The following PHLDB2 variants were observed in gnomAD, a reference collection of about 807,000 sequenced individuals.
PHLDB2 encodes pleckstrin homology-like domain family B member 2.
In PHLDB2, 71 loss-of-function variants were observed where a neutral mutation model predicts 123.6. The ratio of observed to expected loss-of-function variants is 0.57; its 90% CI spans 0.47 to 0.70. The LOEUF (loss-of-function observed/expected upper bound fraction) is 0.70, where lower values mean the gene tolerates loss of function less well. PHLDB2 is among the 30% of genes least tolerant of loss of function. PHLDB2 has a pLI of 0.00. For synonymous variants in PHLDB2, 547 were observed against 541.6 expected (o/e 1.01, Z -0.14); for missense variants, 1,446 against 1,519.5 (o/e 0.95, Z 0.80).
chr3:111,859,891 C>T lies in PHLDB2; in HGVS notation c.-15+315C>T, dbSNP rs1559871950. 6.1e-6 allele frequency: 6 copies of T among 985,314 alleles called. No homozygotes were observed. In the African/African-American group the frequency reaches 1.1e-4, roughly 17 times the overall value. 61.0% of individuals were successfully genotyped at this position (985,314 alleles called of 1,614,324 possible). Reference sequence around the variant, plus strand: ...GAAAGATGAGACGGTGAGTGGGCTCCGGGGACACAGAGTTTCTTTGCTTCT... The same window carrying T: ...GAAAGATGAGACGGTGAGTGGGCTCTGGGGACACAGAGTTTCTTTGCTTCT... On this transcript the variant is annotated intron_variant, in intron 1 of 17. Coordinates refer to ENST00000431670, the MANE Select transcript of PHLDB2 (RefSeq NM_001134438.2).
chr3:111,892,654 A>G (rs985495947), intron 2 of PHLDB2, among the ~76,000 whole-genome samples: 3 of 152,340 alleles, frequency 2.0e-5, no homozygotes, highest in African/African-American at 4.8e-5. Context: ...CCAACTTTCA[A>G]TTAAAAATAA....
intron 1 of PHLDB2, among the ~76,000 whole-genome samples, chr3:111,780,540 G>A (rs1048303627): frequency 1.3e-5 from 2 of 151,590 alleles, no homozygotes; most frequent in Admixed American, 6.6e-5. Context: ...CCAGAACCAT[G>A]AGCCAAAATA....
intron 5 of PHLDB2, among the ~76,000 whole-genome samples, chr3:111,921,192 C>G (rs1413863645): frequency 6.6e-6 from 1 of 152,068 alleles, no homozygotes; most frequent in East Asian, 1.9e-4. Flanking sequence ...ACATTACTCT[C>G]CTCTCCCATT....
chr3:111,795,023 G>A (rs1023952686), intron 1 of PHLDB2, among the ~76,000 whole-genome samples: 3 of 152,120 alleles, frequency 2.0e-5, no homozygotes, highest in Admixed American at 6.5e-5. Flanking sequence ...AAAATCGGGG[G>A]TATAGCTCAG....
At chr3:111,830,978 AAAG>A (rs2062967752) in intron 1 of PHLDB2, among the ~76,000 whole-genome samples, 1 of 54,492 alleles carries the variant, frequency 1.8e-5, no homozygotes, top group Non-Finnish European at 3.3e-5. Context: ...AGAAAGAAAG[AAAG>A]AAAGAAAGAA....
At chr3:111,856,096 T>C (rs10934116), upstream of PHLDB2, among the ~76,000 whole-genome samples, 103,822 of 152,036 alleles carry the variant, frequency 0.68, 37,172 homozygotes, top group Non-Finnish European at 0.81. Flanking sequence ...ACTTTTTGAG[T>C]CCCTTCCATA....
At chr3:111,780,412 A>AAGAAGAAGAAGAAGAAGGAGAAGAAG (rs1326616017) in intron 1 of PHLDB2, among the ~76,000 whole-genome samples, 1 of 116,680 alleles carries the variant, frequency 8.6e-6, no homozygotes, top group Non-Finnish European at 1.8e-5. Flanking sequence ...AGAAGAAGAA[A>AAGAAGAAGAAGAAGAAGGAGAAGAAG]AAGATTAGTT....
At chr3:111,795,401 C>G (rs115268851) in intron 1 of PHLDB2, among the ~76,000 whole-genome samples, 1,635 of 152,270 alleles carry the variant, frequency 0.011, 22 homozygotes, top group African/African-American at 0.037. Flanking sequence ...GCAGTTGCTT[C>G]TGTTCTCTCT....
intron 2 of PHLDB2, among the ~76,000 whole-genome samples, chr3:111,887,406 A>G (rs1314781068): frequency 6.6e-6 from 1 of 152,192 alleles, no homozygotes; most frequent in Non-Finnish European, 1.5e-5. Context: ...GTTTGACTAC[A>G]TTGTGGTAAA....
At chr3:111,822,503 T>C (rs761749823) in intron 1 of PHLDB2, among the ~76,000 whole-genome samples, 10 of 152,104 alleles carry the variant, frequency 6.6e-5, no homozygotes, top group African/African-American at 1.2e-4. Context: ...ACTGTCAGAA[T>C]TGAAAATCTC....
intron 12 of PHLDB2, among the ~76,000 whole-genome samples, chr3:111,954,884 G>A (rs2107643955): frequency 6.6e-6 from 1 of 152,206 alleles, no homozygotes; most frequent in East Asian, 1.9e-4. Flanking sequence ...GAAATGCTTT[G>A]GGGATGGCAG....
At position 111,973,832 on chromosome 3, in the gene PHLDB2, T is replaced by G. The variant is rs1188622055; in HGVS notation, c.3621+15T>G. The G allele has an allele frequency of 1.4e-6, 2 of 1,479,516 alleles. No homozygotes were observed. The highest frequency in any genetic ancestry group is 4.6e-5 in the East Asian group (2 of 43,898). 91.6% of individuals were successfully genotyped at this position (1,479,516 alleles called of 1,614,324 possible). A position where few individuals can be genotyped will look rare whatever the true frequency, so the allele number is the denominator to read the frequency against. On this transcript the variant is annotated intron_variant, in intron 17 of 17. Coordinates refer to ENST00000431670, the MANE Select transcript of PHLDB2 (RefSeq NM_001134438.2). Reference sequence around the variant, plus strand: ...ATGCTAATAAGGTAAACATCAGTTTTCTAAATTCCTACAATTTGAATGCAT... The same window carrying G: ...ATGCTAATAAGGTAAACATCAGTTTGCTAAATTCCTACAATTTGAATGCAT...
At chr3:111,828,094 G>T (rs1211168313) in intron 1 of PHLDB2, among the ~76,000 whole-genome samples, 4 of 152,196 alleles carry the variant, frequency 2.6e-5, no homozygotes, top group Non-Finnish European at 2.9e-5. Flanking sequence ...GACCACAAAG[G>T]AGCTCAGCCA....
intron 10 of PHLDB2, among the ~76,000 whole-genome samples, chr3:111,952,324 C>T (rs975882507): frequency 6.6e-6 from 1 of 152,180 alleles, no homozygotes; most frequent in Non-Finnish European, 1.5e-5. Context: ...CCCAAGGCCG[C>T]AGGCACTACA....
rs534767460 is a variant in PHLDB2 at position 111,913,329 on chromosome 3, G to A, written c.1346G>A (p.Arg449His). 33 of 1,597,496 alleles carry A rather than the reference G, an allele frequency of 2.1e-5. No individual in the cohort carries two copies. Among genetic ancestry groups the A allele is most frequent in the South Asian group, 1.0e-4 (9 of 87,592 alleles). The change falls in exon 3 of 18, where the codon CGT becomes CAT. Residue 449 changes from arginine (R) to histidine (H), a missense_variant. Coordinates refer to ENST00000431670, the MANE Select transcript of PHLDB2 (RefSeq NM_001134438.2). ...CTCCCTGTGTTCCAGGAGAGACAGC[G>A]TCTGGAGACCATCCTCAGTCTCTGT... ...EQEMERLERQ[R>H]LETILSLCAE...
chr3:111,842,219 C>G (rs1248508668), intron 1 of PHLDB2, among the ~76,000 whole-genome samples: 1 of 152,166 alleles, frequency 6.6e-6, no homozygotes, highest in African/African-American at 2.4e-5. Context: ...CACTTCTTGC[C>G]TCCATCAACA....
At chr3:111,820,249 T>C (rs2062307250) in intron 1 of PHLDB2, among the ~76,000 whole-genome samples, 1 of 152,206 alleles carries the variant, frequency 6.6e-6, no homozygotes, top group African/African-American at 2.4e-5. Context: ...AGAGTACAAA[T>C]GAATGTCTGC....
chr3:111,818,814 A>G (rs1208381262), intron 1 of PHLDB2, among the ~76,000 whole-genome samples: 2 of 152,078 alleles, frequency 1.3e-5, no homozygotes, highest in Non-Finnish European at 2.9e-5. Context: ...AACCCCTTGA[A>G]CCTTGGTCAC....
intron 16 of PHLDB2, among the ~76,000 whole-genome samples, chr3:111,972,977 A>G (rs977100823): frequency 6.6e-6 from 1 of 152,226 alleles, no homozygotes; most frequent in African/African-American, 2.4e-5. Flanking sequence ...GGTATGATAG[A>G]GTCTCTTTCC....
Sources: allele counts gnomAD v4.1 joint callset (sites outside exome capture counted in the v4.1 genomes callset), GRCh38; gene constraint gnomAD v4.1.1; transcripts MANE v1.5; gene names NCBI Gene and HGNC (gene_info 2026-07-23, HGNC 2026-07-21).